The following PLEKHH1 variants were observed in gnomAD, a reference collection of about 807,000 sequenced individuals.
The protein encoded by PLEKHH1 is pleckstrin homology, MyTH4 and FERM domain containing H1.
PLEKHH1 carries 104 observed loss-of-function variants against 160.0 expected under a neutral mutation model. The observed-to-expected ratio is 0.65, with a 90% CI of 0.55 to 0.76. The LOEUF (loss-of-function observed/expected upper bound fraction) is 0.76. PLEKHH1 is among the 30% of genes least tolerant of loss of function. The probability of loss-of-function intolerance (pLI) is 0.00; values close to 1 mark genes in which losing one functional copy is unlikely to be tolerated. For missense variants in PLEKHH1, 1,427 were observed against 1,724.1 expected (o/e 0.83, Z 3.05); for synonymous variants, 619 against 678.4 (o/e 0.91, Z 1.36).
chr14:67,561,937 T>A lies in PLEKHH1; in HGVS notation c.424-17T>A. The A allele has an allele frequency of 6.2e-7, 1 of 1,604,030 alleles. No individual in the cohort carries two copies. ...GTAGGCTGGGTGTCCTAAATCTTCATTTTTCTTTTTGCTCAGCTTGAGATG... is the reference window on the plus strand; with the variant it reads ...GTAGGCTGGGTGTCCTAAATCTTCAATTTTCTTTTTGCTCAGCTTGAGATG... On this transcript the variant is annotated splice_polypyrimidine_tract_variant and intron_variant, in intron 5 of 28. Transcript: ENST00000329153.
intron 17 of PLEKHH1, 47 bp from the exon 18 acceptor site, chr14:67,577,255 C>T (rs2035661387): frequency 8.1e-7 from 1 of 1,227,708 alleles, no homozygotes; most frequent in South Asian, 1.3e-5. Flanking sequence ...GATGAGTCCC[C>T]TCTCAGTAGT....
chr14:67,543,408 G>A (rs1431427137), intron 2 of PLEKHH1, among the ~76,000 whole-genome samples: 5 of 152,166 alleles, frequency 3.3e-5, no homozygotes, highest in Non-Finnish European at 4.4e-5. Flanking sequence ...GTACTGCCAG[G>A]TACTGCCGAT....
intron 2 of PLEKHH1, among the ~76,000 whole-genome samples, chr14:67,544,553 C>T (rs1566724852): frequency 6.6e-6 from 1 of 152,196 alleles, no homozygotes; most frequent in Non-Finnish European, 1.5e-5. Flanking sequence ...AGATCCCCAA[C>T]AACTTCTAAT....
Position 67,587,058 on chromosome 14 carries a change from T to A in PLEKHH1, c.3934-16T>A, listed in dbSNP as rs1255607472. Reference sequence around the variant, plus strand: ...AAGGCTAGTTCAATTCCTTCACATCTCTGACCTCCTCTTAGATTGCAGAAG... The same window carrying A: ...AAGGCTAGTTCAATTCCTTCACATCACTGACCTCCTCTTAGATTGCAGAAG... On this transcript the variant is annotated splice_polypyrimidine_tract_variant and intron_variant, in intron 28 of 28. Coordinates refer to ENST00000329153, the MANE Select transcript of PLEKHH1 (RefSeq NM_020715.3). The A allele has an allele frequency of 3.8e-6, 6 of 1,573,910 alleles. No individual in the cohort carries two copies. The highest frequency in any genetic ancestry group is 5.2e-6 in the Non-Finnish European group (6 of 1,156,816).
chr14:67,588,493 A>G lies in PLEKHH1; in HGVS notation c.*1258A>G, dbSNP rs543472291. 2 of 152,258 alleles carry G rather than the reference A, an allele frequency of 1.3e-5. No homozygotes were observed. The highest frequency in any genetic ancestry group is 6.5e-5 in the Admixed American group (1 of 15,278). 9.4% of individuals were successfully genotyped at this position (152,258 alleles called of 1,614,324 possible). On this transcript the variant is annotated 3_prime_UTR_variant, in exon 29 of 29. Transcript: ENST00000329153. ...TAGCCTAAGAGTAGCAGGTAAAAAA[A>G]AGTTTCTTTCATCTTTTGCCTTACT...
intron 7 of PLEKHH1, among the ~76,000 whole-genome samples, chr14:67,566,050 C>T (rs952489760): frequency 1.3e-5 from 2 of 152,292 alleles, no homozygotes; most frequent in South Asian, 4.1e-4. Context: ...ACCCAGGAGG[C>T]GAAGGTTGCA....
intron 1 of PLEKHH1, among the ~76,000 whole-genome samples, chr14:67,536,362 G>A (rs1450574929): frequency 6.6e-6 from 1 of 151,874 alleles, no homozygotes; most frequent in Non-Finnish European, 1.5e-5. Flanking sequence ...CAATTGACAA[G>A]TAGTCAGCCA....
chr14:67,562,357 C>A lies in PLEKHH1; in HGVS notation c.726C>A (p.Ser242Arg), dbSNP rs1566739869. The change falls in exon 7 of 29, where the codon AGC becomes AGA. Residue 242 changes from serine to arginine, a missense_variant. This residue lies in a region of PLEKHH1 where 831 missense variants were observed against 929.2 expected (regional missense o/e 0.89). Transcript: ENST00000329153. ...AASPLEDSSS[S>R]TVHSGETVEA... ...GCCCCTTGGAGGATTCTAGTTCCAG[C>A]ACGGTCCATTCTGGGGAAACAGTAG... 6.2e-7 allele frequency: 1 copy of A among 1,613,742 alleles called. No individual in the cohort carries two copies. Among genetic ancestry groups the A allele is most frequent in the Non-Finnish European group, 8.5e-7 (1 of 1,179,678 alleles).
chr14:67,587,250 C>A lies in PLEKHH1; in HGVS notation c.*15C>A. Reference sequence around the variant, plus strand: ...CGTTGCTGTGAATATTTCTCCTACCCGATTCCCCAACACCACTAGTGCCTC... The same window carrying A: ...CGTTGCTGTGAATATTTCTCCTACCAGATTCCCCAACACCACTAGTGCCTC... On this transcript the variant is annotated 3_prime_UTR_variant, in exon 29 of 29. Transcript: ENST00000329153. 3 of 1,613,192 alleles carry A rather than the reference C, an allele frequency of 1.9e-6. No homozygotes were observed. The highest frequency in any genetic ancestry group is 2.5e-6 in the Non-Finnish European group (3 of 1,179,312).
At position 67,562,171 on chromosome 14, in the gene PLEKHH1, GCCCC is replaced by G. The variant is rs747500686; in HGVS notation, c.543_546del (p.Pro182ThrfsTer29). On this transcript the variant is annotated frameshift_variant, in exon 7 of 29. Transcript: ENST00000329153. LOFTEE classifies it high-confidence loss of function. Reference sequence around the variant, plus strand: ...TAGCTCCTTCACGGAAGCTGCTGGTGCCCCCCTACGGAGCTGCAGAGCAGGATTC... The same window carrying G: ...TAGCTCCTTCACGGAAGCTGCTGGTGCCTACGGAGCTGCAGAGCAGGATTC... The G allele has an allele frequency of 6.8e-6, 11 of 1,610,938 alleles. No homozygotes were observed. Among genetic ancestry groups the G allele is most frequent in the African/African-American group, 1.3e-5 (1 of 74,830 alleles).
intron 9 of PLEKHH1, chr14:67,571,464 C>T (rs1189439801): frequency 1.2e-5 from 4 of 344,728 alleles, no homozygotes; most frequent in Non-Finnish European, 2.2e-5. Flanking sequence ...GCTTTCTGGC[C>T]CCCTAGTGGC....
chr14:67,578,275 G>A lies in PLEKHH1; in HGVS notation c.2751+76G>A, dbSNP rs2035721209. On this transcript the variant is annotated intron_variant, in intron 19 of 28. Transcript: ENST00000329153. The surrounding 1 kb of genome is among the most constrained non-coding windows in gnomAD (Gnocchi z 5.0). ...CCAGGTGGGAAAGGTGGGAGGAGGT[G>A]ACTGGGCAGGTATACGGTGAGCCCA... 3.0e-6 allele frequency: 4 copies of A among 1,335,968 alleles called. No individual in the cohort carries two copies. In the South Asian group the frequency reaches 3.8e-5, roughly 13 times the overall value. The allele number at this position is 1,335,968 out of a possible 1,614,324, so 82.8% of individuals were successfully genotyped here.
At chr14:67,542,767 C>G (rs751964091) in intron 2 of PLEKHH1, among the ~76,000 whole-genome samples, 8 of 152,128 alleles carry the variant, frequency 5.3e-5, no homozygotes, top group Non-Finnish European at 1.2e-4. Context: ...ATGGCGCCAT[C>G]GCAGCTCGCC....
At chr14:67,575,683 G>T (rs920282689) in intron 15 of PLEKHH1, 140 bp from the exon 16 acceptor site, 24 of 733,820 alleles carry the variant, frequency 3.3e-5, no homozygotes, top group Non-Finnish European at 5.5e-5. Context: ...GCCTGGCTGG[G>T]ATGCTATAGT....
In PLEKHH1 at chr14:67,576,598, G is replaced by A; in HGVS notation, c.2461+95G>A. 3.1e-6 allele frequency: 2 copies of A among 654,546 alleles called. No individual in the cohort carries two copies. Among genetic ancestry groups the A allele is most frequent in the East Asian group, 2.7e-5 (1 of 36,364 alleles). The allele number at this position is 654,546 out of a possible 1,614,324, so 40.5% of individuals were successfully genotyped here. A position where few individuals can be genotyped will look rare whatever the true frequency, so the allele number is the denominator to read the frequency against. On this transcript the variant is annotated intron_variant, in intron 17 of 28. Coordinates refer to ENST00000329153, the MANE Select transcript of PLEKHH1 (RefSeq NM_020715.3). The surrounding 1 kb of genome is among the most constrained non-coding windows in gnomAD (Gnocchi z 4.0). ...AAAGAAAGCAGTGTTGTACCCTGAA[G>A]CTGTTTTTAAAACATCTAAGCCACA...
At position 67,579,896 on chromosome 14, in the gene PLEKHH1, CCAGCTG is replaced by C. The variant is rs765045843; in HGVS notation, c.3183+21_3183+26del. 8 of 1,578,156 alleles carry C rather than the reference CCAGCTG, an allele frequency of 5.1e-6. No individual in the cohort carries two copies. The African/African-American group carries it at 1.1e-4, about 21-fold the overall frequency. On this transcript the variant is annotated intron_variant, in intron 22 of 28. Transcript: ENST00000329153. ...GTCAAGGTGACAGCCTCCCACTAAGCCAGCTGAGCCCCTCCCTGCTCAGGGATATTG... is the reference window on the plus strand; with the variant it reads ...GTCAAGGTGACAGCCTCCCACTAAGCAGCCCCTCCCTGCTCAGGGATATTG...
intron 5 of PLEKHH1, 102 bp downstream of exon 5, chr14:67,559,793 C>T: frequency 1.4e-6 from 1 of 731,930 alleles, no homozygotes; most frequent in South Asian, 1.5e-5. Context: ...CCTCGGCTGA[C>T]CTTCATTCTG....
At position 67,569,942 on chromosome 14, in the gene PLEKHH1, T is replaced by C; in HGVS notation, c.1364T>C (p.Val455Ala). 2 of 1,609,738 alleles carry C rather than the reference T, an allele frequency of 1.2e-6. No homozygotes were observed. Among genetic ancestry groups the C allele is most frequent in the Non-Finnish European group, 1.7e-6 (2 of 1,177,598 alleles). ...ACCASSPPALVSPGSFSGLVY... is the reference protein window; with the variant it reads ...ACCASSPPALASPGSFSGLVY... ...TCAGCTTCAAGCCCTCCTGCCCTTGTTTCCCCTGGGTCTTTCTCTGGCCTG... is the reference window on the plus strand; with the variant it reads ...TCAGCTTCAAGCCCTCCTGCCCTTGCTTCCCCTGGGTCTTTCTCTGGCCTG... Residue 455 changes from valine to alanine, a missense_variant, in exon 9 of 29, where the codon GTT becomes GCT. This residue lies in a region of PLEKHH1 where 831 missense variants were observed against 929.2 expected (regional missense o/e 0.89). Transcript: ENST00000329153.
chr14:67,579,999 C>T, intron 22 of PLEKHH1, 123 bp downstream of exon 22: 1 of 888,704 alleles, frequency 1.1e-6, no homozygotes, highest in Non-Finnish European at 1.7e-6. Flanking sequence ...GCCCAAGGTG[C>T]TGCCCTAGTC....
Sources: allele counts gnomAD v4.1 joint callset (sites outside exome capture counted in the v4.1 genomes callset), GRCh38; gene constraint gnomAD v4.1.1; regional missense constraint gnomAD v4.1.1; non-coding constraint Gnocchi (gnomAD v3.1); transcripts MANE v1.5; gene names NCBI Gene and HGNC (gene_info 2026-07-23, HGNC 2026-07-21).